PIK3AP1: variants seen among roughly 807,000 people sequenced by gnomAD.
The protein encoded by PIK3AP1 is phosphoinositide-3-kinase adaptor protein 1.
PIK3AP1 carries 21 observed loss-of-function variants against 88.1 expected under a neutral mutation model. The observed-to-expected ratio is 0.24, with a 90% confidence interval of 0.17 to 0.34. The LOEUF is 0.34. Ranked by LOEUF, PIK3AP1 falls within the 10% of genes least tolerant of loss-of-function variation. The pLI is 1.00. For missense variants in PIK3AP1, 828 were observed against 1,035.7 expected (o/e 0.80, Z 2.75); for synonymous variants, 398 against 400.0 (o/e 1.00, Z 0.06).
intron 8 of PIK3AP1, among the ~76,000 whole-genome samples, chr10:96,630,519 C>T (rs904567770): frequency 6.6e-5 from 10 of 152,012 alleles, no homozygotes; most frequent in Non-Finnish European, 8.8e-5. Context: ...TTGTGTTTCA[C>T]GGAACATTTT....
intron 7 of PIK3AP1, among the ~76,000 whole-genome samples, chr10:96,648,256 G>C (rs983039051): frequency 1.3e-5 from 2 of 152,126 alleles, no homozygotes; most frequent in Non-Finnish European, 2.9e-5. Context: ...GTGAGGAGGT[G>C]GGGGGAGATG....
intron 2 of PIK3AP1, among the ~76,000 whole-genome samples, chr10:96,687,407 T>C (rs1844088870): frequency 6.6e-6 from 1 of 152,102 alleles, no homozygotes. Flanking sequence ...CATCCATTTG[T>C]CCAGGCCCAC....
rs139087473 is a variant in PIK3AP1 at position 96,674,793 on chromosome 10, C to T, written c.431-17859G>A. Among the ~76,000 whole-genome samples, 70 of 152,362 alleles carry T rather than the reference C, an allele frequency of 4.6e-4. No homozygotes were observed. In the East Asian group the frequency reaches 7.3e-3, roughly 16 times the overall value. ...TTAACCCTCTAATTTATGATACCAG[C>T]GTGAACCAAGCTTCGCTGAAAATTC... On this transcript the variant is annotated intron_variant, in intron 2 of 16. Transcript: ENST00000339364.
At chr10:96,707,139 T>C (rs761398313) in intron 2 of PIK3AP1, among the ~76,000 whole-genome samples, 1 of 152,222 alleles carries the variant, frequency 6.6e-6, no homozygotes, top group Non-Finnish European at 1.5e-5. Context: ...CACTTGAAGC[T>C]AAAGGCTCAT....
chr10:96,597,992 T>G (rs1454787793), intron 16 of PIK3AP1, among the ~76,000 whole-genome samples: 1 of 151,950 alleles, frequency 6.6e-6, no homozygotes, highest in Non-Finnish European at 1.5e-5. Context: ...CAAGGAAACT[T>G]ATTTATAATT....
chr10:96,638,541 A>G (rs1412396888), intron 8 of PIK3AP1, among the ~76,000 whole-genome samples: 2 of 152,096 alleles, frequency 1.3e-5, no homozygotes, highest in African/African-American at 4.8e-5. Flanking sequence ...GATGGCTGGC[A>G]TTGGCAATGA....
intron 2 of PIK3AP1, among the ~76,000 whole-genome samples, chr10:96,703,786 A>G (rs1844328802): frequency 6.6e-6 from 1 of 152,230 alleles, no homozygotes; most frequent in African/African-American, 2.4e-5. Flanking sequence ...GTTCTCGGGA[A>G]TTTGCCATCT....
At chr10:96,640,910 G>A (rs1004995928) in intron 8 of PIK3AP1, among the ~76,000 whole-genome samples, 2 of 152,052 alleles carry the variant, frequency 1.3e-5, no homozygotes, top group Non-Finnish European at 2.9e-5. Context: ...CAATCCTCCC[G>A]CCTCAGCCTC....
chr10:96,643,364 A>G (rs565709188), intron 8 of PIK3AP1, among the ~76,000 whole-genome samples: 2 of 152,318 alleles, frequency 1.3e-5, no homozygotes, highest in East Asian at 3.9e-4. Flanking sequence ...CACTTTGGGA[A>G]TGTTCAGCCC....
intron 11 of PIK3AP1, among the ~76,000 whole-genome samples, chr10:96,623,050 T>A (rs1843107368): frequency 6.6e-6 from 1 of 152,172 alleles, no homozygotes. Flanking sequence ...ATGTGCTTTA[T>A]GGACACTTTC....
chr10:96,612,976 ATATATATTTTTTTTTTTTTTTTTTTTT>A (rs1849147404), intron 13 of PIK3AP1, among the ~76,000 whole-genome samples: 1 of 59,640 alleles, frequency 1.7e-5, no homozygotes, highest in East Asian at 4.3e-4. Flanking sequence ...ATATATATAT[ATATATATTTTTTTTTTTTTTTTTTTTT>A]TTTTTTTTTT....
At chr10:96,695,600 G>C (rs1844209326) in intron 2 of PIK3AP1, among the ~76,000 whole-genome samples, 1 of 152,158 alleles carries the variant, frequency 6.6e-6, no homozygotes. Flanking sequence ...AAGATGGTCT[G>C]ACTTCTTAAT....
intron 16 of PIK3AP1, among the ~76,000 whole-genome samples, chr10:96,598,485 C>G (rs1252485799): frequency 6.6e-6 from 1 of 152,038 alleles, no homozygotes; most frequent in Non-Finnish European, 1.5e-5. Flanking sequence ...TCCATCCATT[C>G]ACTTAACACA....
intron 2 of PIK3AP1, among the ~76,000 whole-genome samples, chr10:96,671,710 G>A (rs908587274): frequency 2.0e-5 from 3 of 152,136 alleles, no homozygotes; most frequent in Middle Eastern, 3.4e-3. Flanking sequence ...AAAAAGATAA[G>A]GCAGAGTCCT....
chr10:96,603,643 T>A, intron 15 of PIK3AP1: 1 of 128,370 alleles, frequency 7.8e-6, no homozygotes, highest in Non-Finnish European at 1.7e-5. Flanking sequence ...TGTGGGACTC[T>A]GTGATTGTGT....
chr10:96,709,307 T>C (rs61856807), intron 2 of PIK3AP1, among the ~76,000 whole-genome samples: 24,312 of 151,894 alleles, frequency 0.16, 2,319 homozygotes, highest in East Asian at 0.36. Flanking sequence ...TCCTGTGTCT[T>C]CCAAGGCACA....
chr10:96,612,778 C>T (rs1849135283), intron 13 of PIK3AP1, among the ~76,000 whole-genome samples: 1 of 151,578 alleles, frequency 6.6e-6, no homozygotes, highest in African/African-American at 2.4e-5. Flanking sequence ...GTGTTCTCCA[C>T]TGATTCCTCC....
At chr10:96,664,998 T>A (rs1044985000) in intron 2 of PIK3AP1, among the ~76,000 whole-genome samples, 2 of 142,810 alleles carry the variant, frequency 1.4e-5, no homozygotes, top group Non-Finnish European at 3.3e-5. Context: ...AACATGTAGA[T>A]CCCTCTTGGA....
rs1170713259 is a variant in PIK3AP1, at chr10:96,668,493, A to C, written c.431-11559T>G. On this transcript the variant is annotated intron_variant, in intron 2 of 16. Transcript: ENST00000339364. ...CATAAACATGCTGGATTCTTTCTCTAAGTTTTAGATACAAGGAAAAAGAAA... is the reference window on the plus strand; with the variant it reads ...CATAAACATGCTGGATTCTTTCTCTCAGTTTTAGATACAAGGAAAAAGAAA... Among the ~76,000 whole-genome samples, 3 of 152,214 alleles carry C rather than the reference A, an allele frequency of 2.0e-5. No homozygotes were observed. The South Asian group carries it at 6.2e-4, about 32-fold the overall frequency.
Sources: gnomAD v4.1 joint callset for allele counts (sites outside exome capture counted in the v4.1 genomes callset) on GRCh38, gnomAD v4.1.1 for gene constraint, MANE v1.5 for transcripts, NCBI Gene and HGNC (gene_info 2026-07-23, HGNC 2026-07-21) for gene names.